The following SLC24A3 variants were observed in gnomAD, a reference collection of about 807,000 sequenced individuals.
The protein encoded by SLC24A3 is solute carrier family 24 member 3, also known as sodium/potassium/calcium exchanger 3.
A neutral mutation model predicts 75.8 loss-of-function variants in SLC24A3; 28 were observed. The observed-to-expected ratio is 0.37, with a 90% confidence interval of 0.27 to 0.51. The LOEUF (loss-of-function observed/expected upper bound fraction) is 0.51, where lower values mean the gene tolerates loss of function less well. Among genes scored for constraint, SLC24A3 ranks in the 20% least tolerant of loss-of-function variants. The pLI is 0.94. For missense variants in SLC24A3, 663 were observed against 847.8 expected (o/e 0.78, Z 2.71); for synonymous variants, 372 against 334.1 (o/e 1.11, Z -1.24).
At chr20:19,387,887 G>A (rs2122383587) in intron 2 of SLC24A3, among the ~76,000 whole-genome samples, 1 of 152,264 alleles carries the variant, frequency 6.6e-6, no homozygotes, top group East Asian at 1.9e-4. Flanking sequence ...TTTCAGTCTG[G>A]ATAATCTATC....
At chr20:19,235,526 C>G (rs1487841213) in intron 1 of SLC24A3, among the ~76,000 whole-genome samples, 1 of 152,198 alleles carries the variant, frequency 6.6e-6, no homozygotes, top group Non-Finnish European at 1.5e-5. Context: ...AGAGCAGCGT[C>G]TGGGAAGCTG....
chr20:19,422,667 T>C (rs898276802), intron 2 of SLC24A3, among the ~76,000 whole-genome samples: 2 of 152,216 alleles, frequency 1.3e-5, no homozygotes, highest in African/African-American at 4.8e-5. Flanking sequence ...CAGTGAGTCC[T>C]GGCAGGGGGA....
chr20:19,521,150 C>G (rs950551970), intron 3 of SLC24A3, among the ~76,000 whole-genome samples: 1 of 152,140 alleles, frequency 6.6e-6, no homozygotes, highest in Non-Finnish European at 1.5e-5. Flanking sequence ...CTCCCTCCCT[C>G]CCCACACAAT....
intron 6 of SLC24A3, among the ~76,000 whole-genome samples, chr20:19,603,929 C>A (rs1356250941): frequency 6.6e-6 from 1 of 152,172 alleles, no homozygotes; most frequent in Non-Finnish European, 1.5e-5. Context: ...TCACGTGTCT[C>A]TGTAAGGGCT....
At chr20:19,535,000 G>A (rs1013796268) in intron 3 of SLC24A3, among the ~76,000 whole-genome samples, 4 of 152,134 alleles carry the variant, frequency 2.6e-5, no homozygotes, top group African/African-American at 9.7e-5. Flanking sequence ...GCTAATTTGG[G>A]CCATGATTCT....
chr20:19,549,932 C>T (rs558023304), intron 3 of SLC24A3, among the ~76,000 whole-genome samples: 2 of 152,234 alleles, frequency 1.3e-5, no homozygotes, highest in Non-Finnish European at 2.9e-5. Context: ...ATGTTTTGAA[C>T]AATAGAAAAC....
intron 2 of SLC24A3, among the ~76,000 whole-genome samples, chr20:19,398,283 G>C (rs1038417028): frequency 2.6e-5 from 4 of 152,086 alleles, no homozygotes; most frequent in African/African-American, 9.7e-5. Flanking sequence ...TGATATCTTA[G>C]TAATAATGAG....
chr20:19,601,884 T>C (rs1322226253), intron 6 of SLC24A3, among the ~76,000 whole-genome samples: 3 of 152,158 alleles, frequency 2.0e-5, no homozygotes, highest in African/African-American at 7.2e-5. Context: ...TTAAAGTTAT[T>C]ATTATTGGCC....
At chr20:19,700,517 C>T (rs1600347683) in intron 15 of SLC24A3, among the ~76,000 whole-genome samples, 1 of 152,176 alleles carries the variant, frequency 6.6e-6, no homozygotes, top group Non-Finnish European at 1.5e-5. Context: ...AGTGTTGTGC[C>T]TGAAATTCAT....
At chr20:19,227,909 A>G (rs1218043497) in intron 1 of SLC24A3, among the ~76,000 whole-genome samples, 1 of 152,184 alleles carries the variant, frequency 6.6e-6, no homozygotes, top group Non-Finnish European at 1.5e-5. Context: ...GGTTTTGATA[A>G]ATCTATAAAT....
chr20:19,409,939 G>A (rs947096614), intron 2 of SLC24A3, among the ~76,000 whole-genome samples: 77 of 151,650 alleles, frequency 5.1e-4, no homozygotes, highest in Non-Finnish European at 7.4e-5. Context: ...GTAGAATTGT[G>A]GTTATCTTTA....
chr20:19,424,745 CAAAAAAAAA>C (rs528342351), intron 2 of SLC24A3, among the ~76,000 whole-genome samples: 58 of 49,150 alleles, frequency 1.2e-3, no homozygotes, highest in African/African-American at 3.9e-3. Flanking sequence ...AAAACAACAA[CAAAAAAAAA>C]AAAAAAAAAA....
intron 2 of SLC24A3, among the ~76,000 whole-genome samples, chr20:19,442,327 G>A (rs1433155710): frequency 1.3e-5 from 2 of 152,120 alleles, no homozygotes; most frequent in Non-Finnish European, 2.9e-5. Context: ...ATTCCCACCA[G>A]TAATGAATAA....
intron 2 of SLC24A3, among the ~76,000 whole-genome samples, chr20:19,336,103 A>G (rs1985126086): frequency 6.6e-6 from 1 of 152,172 alleles, no homozygotes; most frequent in Non-Finnish European, 1.5e-5. Context: ...TAAGACTTTA[A>G]TAGACTACTT....
chr20:19,622,626 A>G (rs1327399280), intron 6 of SLC24A3, among the ~76,000 whole-genome samples: 2 of 152,248 alleles, frequency 1.3e-5, no homozygotes, highest in Admixed American at 1.3e-4. Flanking sequence ...GTATCTGAAA[A>G]TAAACTTAAC....
intron 2 of SLC24A3, among the ~76,000 whole-genome samples, chr20:19,412,738 A>G (rs1019758073): frequency 2.6e-5 from 4 of 152,150 alleles, no homozygotes; most frequent in African/African-American, 9.7e-5. Flanking sequence ...CTTTGACTTG[A>G]TATCTTTTAA....
chr20:19,663,968 C>T (rs894260858), intron 7 of SLC24A3, among the ~76,000 whole-genome samples: 4 of 152,192 alleles, frequency 2.6e-5, no homozygotes, highest in Admixed American at 2.0e-4. Context: ...CTGTGCCCCA[C>T]CTATGGGGAG....
At chr20:19,580,185 G>A in intron 4 of SLC24A3, 111 bp downstream of exon 4, 1 of 824,366 alleles carries the variant, frequency 1.2e-6, no homozygotes, top group Non-Finnish European at 2.0e-6. Context: ...CAGGGCAGCT[G>A]CAGCGGGAAC....
chr20:19,658,755 C>A (rs576365420), intron 7 of SLC24A3, among the ~76,000 whole-genome samples: 6 of 152,202 alleles, frequency 3.9e-5, no homozygotes, highest in Admixed American at 3.3e-4. Context: ...CCTTTTAAAT[C>A]CTGAAAGAGT....
Sources: allele counts gnomAD v4.1 joint callset (sites outside exome capture counted in the v4.1 genomes callset), GRCh38; gene constraint gnomAD v4.1.1; transcripts MANE v1.5; gene names NCBI Gene and HGNC (gene_info 2026-07-23, HGNC 2026-07-21).